Variants in TBCD observed in about 807,000 individuals in gnomAD.
TBCD encodes the protein tubulin-specific chaperone D.
TBCD carries 105 observed loss-of-function variants against 169.3 expected under a neutral mutation model. That is an observed-to-expected ratio of 0.62 (90% CI 0.53 to 0.73). TBCD has a LOEUF of 0.73. TBCD is among the 30% of genes least tolerant of loss of function. The probability of loss-of-function intolerance (pLI) is 0.00; values close to 1 mark genes in which losing one functional copy is unlikely to be tolerated. For missense variants in TBCD, 1,444 were observed against 1,600.1 expected (o/e 0.90, Z 1.66); for synonymous variants, 700 against 643.9 (o/e 1.09, Z -1.32).
intron 7 of TBCD, among the ~76,000 whole-genome samples, chr17:82,788,755 G>T (rs866182236): frequency 1.3e-5 from 2 of 152,050 alleles, no homozygotes; most frequent in African/African-American, 2.4e-5. Context: ...GGGAACCAGG[G>T]CTTGAGCTGC....
intron 5 of TBCD, among the ~76,000 whole-genome samples, chr17:82,770,765 C>T (rs921756976): frequency 6.6e-6 from 1 of 151,834 alleles, no homozygotes; most frequent in Non-Finnish European, 1.5e-5. Flanking sequence ...CCTGTAATCC[C>T]AGCACTTTGG....
At chr17:82,808,033 G>T (rs1028405035) in intron 11 of TBCD, among the ~76,000 whole-genome samples, 2 of 152,204 alleles carry the variant, frequency 1.3e-5, no homozygotes, top group African/African-American at 4.8e-5. Context: ...GCCCTCTTTT[G>T]TGGGGTGAGC....
intron 22 of TBCD, among the ~76,000 whole-genome samples, chr17:82,910,645 CA>C (rs2060569581): frequency 1.3e-5 from 2 of 152,074 alleles, no homozygotes; most frequent in Admixed American, 1.3e-4. Context: ...CGGCTCACTG[CA>C]AGCTCACCTC....
At chr17:82,927,464 T>A in intron 29 of TBCD, 141 bp downstream of exon 29, 1 of 1,227,178 alleles carries the variant, frequency 8.1e-7, no homozygotes, top group Non-Finnish European at 1.1e-6. Flanking sequence ...CTGGGGAAGA[T>A]GACCTGTTCT....
At position 82,789,741 on chromosome 17, in the gene TBCD, C is replaced by T. The variant is rs779021827; in HGVS notation, c.772-8016C>T. On this transcript the variant is annotated intron_variant, in intron 7 of 38. Transcript: ENST00000355528. This position sits in a 1 kb window ranked among gnomAD's most constrained non-coding sequence, Gnocchi z 4.8. ...ATCTCAGCTCTGATTCACCCTTGAC[C>T]TTTATTACCTGATTTCTGTCCTTGG... Among the ~76,000 whole-genome samples, 1 of 152,238 alleles carries T rather than the reference C, an allele frequency of 6.6e-6. No homozygotes were observed. Among genetic ancestry groups the T allele is most frequent in the East Asian group, 1.9e-4 (1 of 5,204 alleles).
At chr17:82,792,516 T>A (rs900048176) in intron 7 of TBCD, among the ~76,000 whole-genome samples, 2 of 152,194 alleles carry the variant, frequency 1.3e-5, no homozygotes, top group African/African-American at 4.8e-5. Flanking sequence ...AGGTGAAGGA[T>A]GATGCCTGTG....
At chr17:82,845,512 C>T (rs1467902243) in intron 13 of TBCD, among the ~76,000 whole-genome samples, 7 of 133,196 alleles carry the variant, frequency 5.3e-5, no homozygotes, top group African/African-American at 1.0e-4. Context: ...CCTTCCTCTC[C>T]GTCCTGTCCA....
rs75282465 is a variant in TBCD at position 82,926,990 on chromosome 17, G to A, written c.2472-196G>A. 3.6e-3 allele frequency: 2,671 copies of A among 737,326 alleles called. 55 individuals carry two copies. The African/African-American group carries it at 0.041, about 11-fold the overall frequency. The allele number at this position is 737,326 out of a possible 1,614,324, so 45.7% of individuals were successfully genotyped here. On this transcript the variant is annotated intron_variant, in intron 28 of 38. Coordinates refer to ENST00000355528, the MANE Select transcript of TBCD (RefSeq NM_005993.5). Reference sequence around the variant, plus strand: ...CCATCCACCTTTCAACCGGAGAGACGGCAGAGCGTGACCTCGGGGAAGCAC... The same window carrying A: ...CCATCCACCTTTCAACCGGAGAGACAGCAGAGCGTGACCTCGGGGAAGCAC...
chr17:82,807,451 G>A (rs2051054667), intron 10 of TBCD, among the ~76,000 whole-genome samples, 157 bp from the exon 11 acceptor site: 1 of 152,272 alleles, frequency 6.6e-6, no homozygotes, highest in East Asian at 1.9e-4. Flanking sequence ...GAGAACGGAG[G>A]GAAGGAAATG....
chr17:82,942,346 C>A lies in TBCD; in HGVS notation c.3565-103C>A, dbSNP rs553136741. ...CGGCACAAATGGTTTCCTGCAGGAA[C>A]CGTGTCAGTCCCCACACAGGGCCCA... On this transcript the variant is annotated intron_variant, in intron 38 of 38. Transcript: ENST00000355528. The A allele has an allele frequency of 2.0e-6, 3 of 1,535,380 alleles. No homozygotes were observed. The African/African-American group carries it at 4.1e-5, about 21-fold the overall frequency.
intron 9 of TBCD, among the ~76,000 whole-genome samples, chr17:82,804,585 C>T (rs1201444360): frequency 4.6e-5 from 7 of 152,204 alleles, no homozygotes; most frequent in East Asian, 3.8e-4. Flanking sequence ...TGTCGGGACC[C>T]GGTGCCTTGT....
rs528112836 is a variant in TBCD at position 82,925,318 on chromosome 17, T to G, written c.2379+261T>G. Among the ~76,000 whole-genome samples the G allele has an allele frequency of 4.6e-5, 7 of 152,250 alleles. No homozygotes were observed. The East Asian group carries it at 7.7e-4, about 17-fold the overall frequency. ...GAATTCTGGGAGGGAGGAGAAGGTGTTGTTTGTAGAAGCAGCTGCCGAGAG... is the reference window on the plus strand; with the variant it reads ...GAATTCTGGGAGGGAGGAGAAGGTGGTGTTTGTAGAAGCAGCTGCCGAGAG... On this transcript the variant is annotated intron_variant, in intron 27 of 38. Coordinates refer to ENST00000355528, the MANE Select transcript of TBCD (RefSeq NM_005993.5).
At chr17:82,810,764 A>AG (rs898080425) in intron 12 of TBCD, among the ~76,000 whole-genome samples, 32 of 152,332 alleles carry the variant, frequency 2.1e-4, no homozygotes, top group African/African-American at 7.7e-4. Context: ...GCTCTTCATT[A>AG]GCCTGGACAC....
intron 13 of TBCD, among the ~76,000 whole-genome samples, chr17:82,839,676 G>A (rs193212711): frequency 1.3e-5 from 2 of 152,248 alleles, no homozygotes; most frequent in Non-Finnish European, 2.9e-5. Flanking sequence ...TGAATTTTAG[G>A]GCAGAACAAG....
intron 5 of TBCD, among the ~76,000 whole-genome samples, chr17:82,771,617 C>T (rs1233551708): frequency 1.3e-5 from 2 of 152,124 alleles, no homozygotes; most frequent in South Asian, 2.1e-4. Context: ...CGGGGTTTTA[C>T]CATATTGACC....
chr17:82,929,769 C>A (rs1281646948), intron 32 of TBCD: 5 of 584,708 alleles, frequency 8.6e-6, no homozygotes, highest in Non-Finnish European at 9.2e-6. Context: ...CCCAGCGTCC[C>A]CTCGGGGTTC....
At chr17:82,807,697 C>CG (rs1286384734) in intron 11 of TBCD, 29 bp downstream of exon 11, 5 of 1,435,528 alleles carry the variant, frequency 3.5e-6, no homozygotes, top group African/African-American at 1.4e-5. Flanking sequence ...AGAAGCACCC[C>CG]GGGGGGTGGG....
At chr17:82,872,520 C>T (rs750890604) in intron 14 of TBCD, among the ~76,000 whole-genome samples, 3 of 152,242 alleles carry the variant, frequency 2.0e-5, no homozygotes, top group African/African-American at 4.8e-5. Flanking sequence ...CAGCCTGCAG[C>T]GCTGCTGTCT....
chr17:82,925,373 G>T (rs1003242698), intron 27 of TBCD, among the ~76,000 whole-genome samples: 2 of 152,214 alleles, frequency 1.3e-5, no homozygotes, highest in African/African-American at 4.8e-5. Context: ...TTTGTGCGTT[G>T]TGGAGCCGGG....
Sources: gnomAD v4.1 joint callset for allele counts (sites outside exome capture counted in the v4.1 genomes callset) on GRCh38, gnomAD v4.1.1 for gene constraint, Gnocchi (gnomAD v3.1) non-coding constraint, MANE v1.5 for transcripts, NCBI Gene and HGNC (gene_info 2026-07-23, HGNC 2026-07-21) for gene names.